The following MDGA1 variants were observed in gnomAD, a reference collection of about 807,000 sequenced individuals.
MDGA1 encodes MAM domain containing glycosylphosphatidylinositol anchor 1, also known as MAM domain-containing glycosylphosphatidylinositol anchor protein 1.
In MDGA1, 54 loss-of-function variants were observed where a neutral mutation model predicts 101.5. That is an observed-to-expected ratio of 0.53 (90% CI 0.43 to 0.67). MDGA1 has a LOEUF of 0.67. MDGA1 is among the 30% of genes least tolerant of loss of function. The pLI is 0.00. For missense variants in MDGA1, 1,083 were observed against 1,323.8 expected, an observed-to-expected ratio of 0.82 and a Z score of 2.82; for synonymous variants, 533 against 558.3, an observed-to-expected ratio of 0.95 and a Z score of 0.64.
At chr6:37,661,418 G>A (rs1011034483) in intron 2 of MDGA1, among the ~76,000 whole-genome samples, 21 of 152,118 alleles carry the variant, frequency 1.4e-4, no homozygotes, top group African/African-American at 4.3e-4. Context: ...CCACTAAGTG[G>A]GCCATGAGAT....
Position 37,652,473 on chromosome 6 carries a change from G to A in MDGA1, c.983-133C>T. ...GGATAGGGGGCTACAACTCCCCCAG[G>A]TGAAACTATCACTTTTCTCTGCCTG... On this transcript the variant is annotated intron_variant, in intron 6 of 16. Transcript: ENST00000434837. This position sits in a 1 kb window ranked among gnomAD's most constrained non-coding sequence, Gnocchi z 4.3. The A allele has an allele frequency of 3.2e-6, 2 of 623,910 alleles. No homozygotes were observed. Among genetic ancestry groups the A allele is most frequent in the Non-Finnish European group, 5.5e-6 (2 of 360,930 alleles). The allele number at this position is 623,910 out of a possible 1,614,324, so 38.6% of individuals were successfully genotyped here. A position where few individuals can be genotyped will look rare whatever the true frequency, so the allele number is the denominator to read the frequency against.
At chr6:37,658,140 T>C in intron 3 of MDGA1, 105 bp downstream of exon 3, 1 of 1,318,362 alleles carries the variant, frequency 7.6e-7, no homozygotes, top group South Asian at 1.6e-5. Flanking sequence ...GGTCAGCTTC[T>C]CCGTTCCACC....
intron 12 of MDGA1, 57 bp downstream of exon 12, chr6:37,645,876 G>C: frequency 6.3e-7 from 1 of 1,590,812 alleles, no homozygotes; most frequent in South Asian, 1.1e-5. Context: ...CTCTCACCAG[G>C]AGAGCCTTTG....
chr6:37,673,767 G>T (rs968063143), intron 1 of MDGA1, among the ~76,000 whole-genome samples: 2 of 152,026 alleles, frequency 1.3e-5, no homozygotes, highest in African/African-American at 4.8e-5. Context: ...TAGGAAAGCC[G>T]ACTTGAAACA....
chr6:37,648,823 G>C (rs964501210), intron 9 of MDGA1, among the ~76,000 whole-genome samples, 159 bp downstream of exon 9: 11 of 151,654 alleles, frequency 7.3e-5, no homozygotes, highest in Non-Finnish European at 1.2e-4. Flanking sequence ...TGGCCTTGGC[G>C]TGGGCGGGTC....
At chr6:37,688,751 G>A (rs981823623) in intron 1 of MDGA1, among the ~76,000 whole-genome samples, 19 of 152,184 alleles carry the variant, frequency 1.2e-4, no homozygotes, top group African/African-American at 4.6e-4. Flanking sequence ...TCACTCCTGG[G>A]CTTCTCTGTA....
Position 37,658,415 on chromosome 6 carries a change from C to T in MDGA1, c.212G>A (p.Arg71Gln), listed in dbSNP as rs762465427. The T allele has an allele frequency of 1.2e-5, 20 of 1,605,920 alleles. No individual in the cohort carries two copies. The highest frequency in any genetic ancestry group is 1.4e-5 in the Non-Finnish European group (17 of 1,176,176). ...LVTGHPRPQV[R>Q]WTKTAGSASD... The stretch of plus-strand genomic sequence containing the variant: ...GGCGCTACCTGCCGTCTTGGTCCAC[C>T]GTACCTGGGCCGCCAGGCGGGGCAG... Residue 71 changes from arginine (R) to glutamine (Q), a missense_variant, in exon 3 of 17, where the codon CGG becomes CAG. Arg to Gln is a conservative substitution (Grantham distance 43, BLOSUM62 1). Transcript: ENST00000434837.
intron 1 of MDGA1, among the ~76,000 whole-genome samples, chr6:37,670,105 C>A (rs570869253): frequency 1.6e-4 from 24 of 152,306 alleles, no homozygotes; most frequent in Non-Finnish European, 2.8e-4. Flanking sequence ...AATTACTTAA[C>A]CTCTCTGAGC....
chr6:37,642,463 C>T (rs1022115803), intron 14 of MDGA1, among the ~76,000 whole-genome samples: 7 of 152,068 alleles, frequency 4.6e-5, no homozygotes, highest in African/African-American at 1.7e-4. Context: ...TGAGCCACCT[C>T]ACCCGGCCAT....
In MDGA1 at chr6:37,635,641, T is replaced by A; in HGVS notation, c.*1727A>T. 2.5e-6 allele frequency: 1 copy of A among 398,712 alleles called. No individual in the cohort carries two copies. The highest frequency in any genetic ancestry group is 3.6e-5 in the East Asian group (1 of 28,082). 24.7% of individuals were successfully genotyped at this position (398,712 alleles called of 1,614,324 possible). A position where few individuals can be genotyped will look rare whatever the true frequency, so the allele number is the denominator to read the frequency against. Reference sequence around the variant, plus strand: ...CCCCGCCTGCCTCCTGGCACTGCAGTGCTGCCCGAGTTCCAGGCCTCTTCT... The same window carrying A: ...CCCCGCCTGCCTCCTGGCACTGCAGAGCTGCCCGAGTTCCAGGCCTCTTCT... On this transcript the variant is annotated 3_prime_UTR_variant, in exon 17 of 17. Coordinates refer to ENST00000434837, the MANE Select transcript of MDGA1 (RefSeq NM_153487.4).
chr6:37,662,686 A>C (rs1401228212), intron 2 of MDGA1, among the ~76,000 whole-genome samples: 3 of 151,398 alleles, frequency 2.0e-5, no homozygotes, highest in Non-Finnish European at 2.9e-5. Flanking sequence ...GTGAGGAATG[A>C]GAAGATGCAA....
chr6:37,685,294 A>T (rs1394470874), intron 1 of MDGA1, among the ~76,000 whole-genome samples: 1 of 152,104 alleles, frequency 6.6e-6, no homozygotes, highest in Non-Finnish European at 1.5e-5. Flanking sequence ...ATTGTCTCAA[A>T]AAATTAAAAA....
Position 37,696,615 on chromosome 6 carries a change from C to T in MDGA1, c.67+130G>A. ...CGGTCTCCACGCGCCCTGGAGAGGGCGGGGACGCGGGCATCCACTCCAGAG... is the reference window on the plus strand; with the variant it reads ...CGGTCTCCACGCGCCCTGGAGAGGGTGGGGACGCGGGCATCCACTCCAGAG... On this transcript the variant is annotated intron_variant, in intron 1 of 16. Transcript: ENST00000434837. This position sits in a 1 kb window ranked among gnomAD's most constrained non-coding sequence, Gnocchi z 5.6. 1.2e-6 allele frequency: 1 copy of T among 860,170 alleles called. No individual in the cohort carries two copies. Among genetic ancestry groups the T allele is most frequent in the Non-Finnish European group, 1.9e-6 (1 of 532,660 alleles). 53.3% of individuals were successfully genotyped at this position (860,170 alleles called of 1,614,324 possible). A position where few individuals can be genotyped will look rare whatever the true frequency, so the allele number is the denominator to read the frequency against.
intron 1 of MDGA1, among the ~76,000 whole-genome samples, chr6:37,684,567 C>T (rs1248492943): frequency 6.6e-6 from 1 of 152,224 alleles, no homozygotes; most frequent in African/African-American, 2.4e-5. Context: ...TTTGACATGG[C>T]TTTTAACTTC....
chr6:37,649,825 TTCC>T (rs1761313936), intron 8 of MDGA1: 4 of 643,578 alleles, frequency 6.2e-6, no homozygotes, highest in African/African-American at 1.8e-5. Flanking sequence ...TTGAGTGTCC[TTCC>T]TCCTCCTTCA....
At position 37,655,590 on chromosome 6, in the gene MDGA1, A is replaced by G; in HGVS notation, c.579+110T>C. The stretch of plus-strand genomic sequence containing the variant: ...CAATCAGAATGTGTGTTTCCAAAGT[A>G]AGAATAGAATTGTTGAAGTCAAGGC... On this transcript the variant is annotated intron_variant, in intron 4 of 16. Transcript: ENST00000434837. This position sits in a 1 kb window ranked among gnomAD's most constrained non-coding sequence, Gnocchi z 5.1. The G allele has an allele frequency of 1.3e-6, 1 of 793,858 alleles. No individual in the cohort carries two copies. Among genetic ancestry groups the G allele is most frequent in the Non-Finnish European group, 2.0e-6 (1 of 501,062 alleles). The allele number at this position is 793,858 out of a possible 1,614,324, so 49.2% of individuals were successfully genotyped here.
rs2113987565 is a variant in MDGA1 at position 37,634,687 on chromosome 6, TGTCAATCCCAG to T, written c.*2670_*2680del. On this transcript the variant is annotated 3_prime_UTR_variant, in exon 17 of 17. Transcript: ENST00000434837. The surrounding 1 kb of genome is among the most constrained non-coding windows in gnomAD (Gnocchi z 4.7). The stretch of plus-strand genomic sequence containing the variant: ...CCTCAGCATTTCAGCAGACACATTT[TGTCAATCCCAG>T]GTCAAGCCATCCTCAAGGCAGGGCT... The T allele has an allele frequency of 6.5e-6, 1 of 152,674 alleles. No individual in the cohort carries two copies. The highest frequency in any genetic ancestry group is 2.4e-5 in the African/African-American group (1 of 41,526). 9.5% of individuals were successfully genotyped at this position (152,674 alleles called of 1,614,324 possible). A position where few individuals can be genotyped will look rare whatever the true frequency, so the allele number is the denominator to read the frequency against.
intron 1 of MDGA1, among the ~76,000 whole-genome samples, chr6:37,664,844 C>CAGACAG (rs1370970080): frequency 4.3e-5 from 2 of 46,332 alleles, no homozygotes; most frequent in Non-Finnish European, 5.0e-5. Context: ...TAACCTAAGA[C>CAGACAG]ACACACACAC....
intron 1 of MDGA1, among the ~76,000 whole-genome samples, chr6:37,678,596 C>T (rs1762029506): frequency 6.6e-6 from 1 of 152,148 alleles, no homozygotes; most frequent in Non-Finnish European, 1.5e-5. Context: ...CTACTGCCCT[C>T]CCCACTCCAG....
Sources: gnomAD v4.1 joint callset for allele counts (sites outside exome capture counted in the v4.1 genomes callset) on GRCh38, gnomAD v4.1.1 for gene constraint, Gnocchi (gnomAD v3.1) non-coding constraint, MANE v1.5 for transcripts, NCBI Gene and HGNC (gene_info 2026-07-23, HGNC 2026-07-21) for gene names.